The following DEPDC1B variants were observed in gnomAD, a reference collection of about 807,000 sequenced individuals.
The protein encoded by DEPDC1B is DEP domain-containing protein 1B.
Under a neutral mutation model 66.5 loss-of-function variants are expected in DEPDC1B, and 51 were observed. That is an observed-to-expected ratio of 0.77 (90% CI 0.61 to 0.97). The LOEUF is 0.97. Ranked by LOEUF, DEPDC1B falls within the 50% of genes least tolerant of loss-of-function variation. DEPDC1B has a pLI of 0.00. For missense variants in DEPDC1B, 552 were observed against 637.1 expected (o/e 0.87, Z 1.44); for synonymous variants, 226 against 223.6 (o/e 1.01, Z -0.10).
chr5:60,695,176 G>A (rs943367734), intron 1 of DEPDC1B, among the ~76,000 whole-genome samples: 7 of 152,136 alleles, frequency 4.6e-5, no homozygotes, highest in Admixed American at 2.0e-4. Context: ...CCATTCTTGC[G>A]TTGCTGTAAA....
intron 2 of DEPDC1B, among the ~76,000 whole-genome samples, chr5:60,660,888 A>T (rs1753698730): frequency 6.6e-6 from 1 of 152,240 alleles, no homozygotes; most frequent in Non-Finnish European, 1.5e-5. Flanking sequence ...GGTTCCTCCC[A>T]GGTGATTAAG....
chr5:60,615,667 A>C (rs1752533509), intron 7 of DEPDC1B, among the ~76,000 whole-genome samples: 1 of 152,204 alleles, frequency 6.6e-6, no homozygotes, highest in African/African-American at 2.4e-5. Flanking sequence ...GGTGGAGCCC[A>C]CTGCAGCTCA....
intron 7 of DEPDC1B, among the ~76,000 whole-genome samples, chr5:60,634,352 T>C (rs988038763): frequency 6.6e-6 from 1 of 152,128 alleles, no homozygotes. Context: ...ATCTTGGAAA[T>C]AAATCATTCC....
At chr5:60,607,435 T>C (rs1752333922) in intron 7 of DEPDC1B, among the ~76,000 whole-genome samples, 1 of 152,194 alleles carries the variant, frequency 6.6e-6, no homozygotes, top group African/African-American at 2.4e-5. Flanking sequence ...AAAAAAGGTT[T>C]ATGATAATAT....
At chr5:60,676,580 G>A (rs1033142339) in intron 2 of DEPDC1B, among the ~76,000 whole-genome samples, 11 of 152,218 alleles carry the variant, frequency 7.2e-5, no homozygotes, top group Admixed American at 1.3e-4. Flanking sequence ...TGTTCCAGCC[G>A]GGTCATCCTC....
intron 7 of DEPDC1B, among the ~76,000 whole-genome samples, chr5:60,618,136 G>A (rs1005103455): frequency 6.6e-6 from 1 of 152,214 alleles, no homozygotes; most frequent in Non-Finnish European, 1.5e-5. Flanking sequence ...CACATTCAAA[G>A]TAGTTTGTAG....
At chr5:60,686,725 C>T (rs1754420387) in intron 2 of DEPDC1B, among the ~76,000 whole-genome samples, 1 of 152,184 alleles carries the variant, frequency 6.6e-6, no homozygotes, top group South Asian at 2.1e-4. Flanking sequence ...GAAAAGATTA[C>T]CTTACTGAAA....
intron 7 of DEPDC1B, among the ~76,000 whole-genome samples, chr5:60,617,928 G>A (rs958023784): frequency 2.0e-5 from 3 of 152,062 alleles, no homozygotes; most frequent in Admixed American, 6.6e-5. Context: ...CAGAAATTAT[G>A]ACAGACTGTC....
chr5:60,658,412 CA>C (rs1753627255), intron 2 of DEPDC1B, among the ~76,000 whole-genome samples: 1 of 152,134 alleles, frequency 6.6e-6, no homozygotes, highest in African/African-American at 2.4e-5. Context: ...GCTTCCTTTT[CA>C]TTTGTGTAGA....
intron 3 of DEPDC1B, among the ~76,000 whole-genome samples, chr5:60,646,441 A>G (rs575059939): frequency 1.6e-4 from 24 of 152,322 alleles, no homozygotes; most frequent in Non-Finnish European, 2.1e-4. Context: ...GGAAAAGGGG[A>G]TTACAAGAGA....
intron 10 of DEPDC1B, among the ~76,000 whole-genome samples, chr5:60,598,284 T>A (rs1402248438): frequency 6.6e-6 from 1 of 152,174 alleles, no homozygotes; most frequent in African/African-American, 2.4e-5. Flanking sequence ...CAGCTTCTGC[T>A]CAAATGGAAG....
chr5:60,657,771 G>C (rs193014680), intron 2 of DEPDC1B, among the ~76,000 whole-genome samples: 1 of 152,226 alleles, frequency 6.6e-6, no homozygotes, highest in East Asian at 1.9e-4. Context: ...ATGTGCCTAG[G>C]TGATTACCTT....
At position 60,667,584 on chromosome 5, in the gene DEPDC1B, A is replaced by G. The variant is rs1753879431; in HGVS notation, c.314+19378T>C. The stretch of plus-strand genomic sequence containing the variant: ...ATATATAAAAAAGTGGATATTTTAC[A>G]TATATAAAAATGGATATTTTACATA... On this transcript the variant is annotated intron_variant, in intron 2 of 10. Coordinates refer to ENST00000265036, the MANE Select transcript of DEPDC1B (RefSeq NM_018369.3). Among the ~76,000 whole-genome samples the G allele has an allele frequency of 2.1e-5, 3 of 143,818 alleles. 1 individual carries two copies. Among genetic ancestry groups the G allele is most frequent in the African/African-American group, 5.3e-5 (2 of 37,986 alleles). The allele number at this position is 143,818 out of a possible 152,430, so 94.4% of individuals were successfully genotyped here.
In DEPDC1B at chr5:60,655,124, G is replaced by A. The variant is rs1297047730; in HGVS notation, c.315-7591C>T. ...TCCTTTCCTGGTTTGATATAAGGGC[G>A]ATAATGGCTTCATAGAATGATTTAG... On this transcript the variant is annotated intron_variant, in intron 2 of 10. Transcript: ENST00000265036. Among the ~76,000 whole-genome samples the A allele has an allele frequency of 1.2e-4, 18 of 148,978 alleles. 2 individuals carry two copies. Among genetic ancestry groups the A allele is most frequent in the Admixed American group, 4.0e-4 (6 of 15,040 alleles).
Position 60,687,283 on chromosome 5 carries a change from T to C in DEPDC1B, c.49-56A>G, listed in dbSNP as rs918906268. On this transcript the variant is annotated intron_variant, in intron 1 of 10. Coordinates refer to ENST00000265036, the MANE Select transcript of DEPDC1B (RefSeq NM_018369.3). ...AATCAACTGATTTTTTTAAGATTAC[T>C]ACATCTCAAATAATTAAAGCAAAGA... The C allele has an allele frequency of 8.4e-6, 13 of 1,541,228 alleles. No individual in the cohort carries two copies. In the Admixed American group the frequency reaches 1.6e-4, roughly 19 times the overall value.
intron 7 of DEPDC1B, among the ~76,000 whole-genome samples, chr5:60,627,103 T>C (rs1332381942): frequency 1.3e-5 from 2 of 152,160 alleles, no homozygotes; most frequent in African/African-American, 4.8e-5. Flanking sequence ...CTACATTTTG[T>C]TTTCCATGAT....
intron 7 of DEPDC1B, among the ~76,000 whole-genome samples, chr5:60,615,677 A>C (rs1021801349): frequency 3.3e-5 from 5 of 152,188 alleles, no homozygotes; most frequent in Non-Finnish European, 5.9e-5. Flanking sequence ...ACTGCAGCTC[A>C]AGGAGGCCTG....
At chr5:60,668,137 T>TTA (rs369589906) in intron 2 of DEPDC1B, among the ~76,000 whole-genome samples, 8 of 23,454 alleles carry the variant, frequency 3.4e-4, no homozygotes, top group South Asian at 6.7e-4. Context: ...AATGGATATT[T>TTA]TATATATATA....
chr5:60,694,072 G>A (rs1754604786), intron 1 of DEPDC1B, among the ~76,000 whole-genome samples: 1 of 152,020 alleles, frequency 6.6e-6, no homozygotes, highest in Non-Finnish European at 1.5e-5. Flanking sequence ...AATTACAGAA[G>A]TAATAACACT....
Sources: gnomAD v4.1 joint callset for allele counts (sites outside exome capture counted in the v4.1 genomes callset) on GRCh38, gnomAD v4.1.1 for gene constraint, MANE v1.5 for transcripts, NCBI Gene and HGNC (gene_info 2026-07-23, HGNC 2026-07-21) for gene names.